ARFGAP3: variants seen among roughly 807,000 people sequenced by gnomAD.
The protein encoded by ARFGAP3 is ADP-ribosylation factor GTPase-activating protein 3.
In ARFGAP3, 72 loss-of-function variants were observed where a neutral mutation model predicts 75.0. That is an observed-to-expected ratio of 0.96 (90% CI 0.79 to 1.17). The LOEUF is 1.17. Among genes scored for constraint, ARFGAP3 ranks in the 50% most tolerant of loss-of-function variants. The pLI, the probability that ARFGAP3 is intolerant of heterozygous loss-of-function variation, is 0.00. For missense variants in ARFGAP3, 620 were observed against 626.6 expected, an observed-to-expected ratio of 0.99 and a Z score of 0.11; for synonymous variants, 221 against 217.9, an observed-to-expected ratio of 1.01 and a Z score of -0.13.
intron 2 of ARFGAP3, among the ~76,000 whole-genome samples, chr22:42,842,304 CT>C (rs58205841): frequency 0.018 from 2,201 of 120,274 alleles, 24 homozygotes; most frequent in African/African-American, 0.038. Flanking sequence ...CGTGCCTGGC[CT>C]TTTTTTTTTT....
chr22:42,839,728 C>G (rs548977395), intron 3 of ARFGAP3, among the ~76,000 whole-genome samples: 2 of 152,096 alleles, frequency 1.3e-5, no homozygotes, highest in Non-Finnish European at 2.9e-5. Flanking sequence ...CATAAAGAAG[C>G]CTCCAGTTTC....
rs747473607 is a variant in ARFGAP3, at chr22:42,844,589, GA to G, written c.188+2924del. On this transcript the variant is annotated intron_variant, in intron 2 of 15. Transcript: ENST00000263245. Reference sequence around the variant, plus strand: ...GATAGAGTGAGACTCTGTCTCAAAGGAAAAAAAAAAAAAAAAAATAAAAAAC... The same window carrying G: ...GATAGAGTGAGACTCTGTCTCAAAGGAAAAAAAAAAAAAAAAATAAAAAAC... Among the ~76,000 whole-genome samples, 165 of 58,588 alleles carry G rather than the reference GA, an allele frequency of 2.8e-3. 2 individuals carry two copies. Among genetic ancestry groups the G allele is most frequent in the South Asian group, 0.015 (26 of 1,764 alleles). The allele number at this position is 58,588 out of a possible 152,430, so 38.4% of individuals were successfully genotyped here.
In ARFGAP3 at chr22:42,817,841, A is replaced by C; in HGVS notation, c.829T>G (p.Leu277Val). The part of the protein sequence containing the change: ...KEESIVSSLR[L>V]AYKDLEIQMK... The stretch of plus-strand genomic sequence containing the variant: ...TGAATTTCAAGATCCTTATAGGCTA[A>C]TCGTAATGATGAAACACTGCCAGAA... The change falls in exon 10 of 16, where the codon TTA becomes GTA. Residue 277 changes from leucine (L) to valine (V), a missense_variant. By Grantham distance (32) the Leu-to-Val change is conservative (BLOSUM62 1). Transcript: ENST00000263245. 2 of 1,607,566 alleles carry C rather than the reference A, an allele frequency of 1.2e-6. No individual in the cohort carries two copies. The highest frequency in any genetic ancestry group is 1.7e-6 in the Non-Finnish European group (2 of 1,177,140).
Position 42,812,595 on chromosome 22 carries a change from A to G in ARFGAP3, c.1065-1651T>C, listed in dbSNP as rs12170628. ...ACCCATAAGAGCAAAGAGGCCAGGG[A>G]CCTCGGTGAGCTAAGATCTGGGTGG... On this transcript the variant is annotated intron_variant, in intron 11 of 15. Coordinates refer to ENST00000263245, the MANE Select transcript of ARFGAP3 (RefSeq NM_014570.5). 2.1e-3 allele frequency among the ~76,000 whole-genome samples: 319 copies of G among 152,314 alleles called. 1 individual carries two copies. The highest frequency in any genetic ancestry group is 7.4e-3 in the African/African-American group (307 of 41,576).
Position 42,803,452 on chromosome 22 carries a change from C to A in ARFGAP3, c.1411+3621G>T, listed in dbSNP as rs553503617. 1.1e-4 allele frequency among the ~76,000 whole-genome samples: 16 copies of A among 152,352 alleles called. No homozygotes were observed. In the East Asian group the frequency reaches 2.9e-3, roughly 28 times the overall value. On this transcript the variant is annotated intron_variant, in intron 14 of 15. Coordinates refer to ENST00000263245, the MANE Select transcript of ARFGAP3 (RefSeq NM_014570.5). Reference sequence around the variant, plus strand: ...GGGTGCAGGTGTCTGCACTCCCATGCAGACGTGCTCTCATTCAAACAATCA... The same window carrying A: ...GGGTGCAGGTGTCTGCACTCCCATGAAGACGTGCTCTCATTCAAACAATCA...
At chr22:42,844,558 C>T (rs1161905445) in intron 2 of ARFGAP3, among the ~76,000 whole-genome samples, 2 of 146,372 alleles carry the variant, frequency 1.4e-5, no homozygotes, top group South Asian at 2.1e-4. Context: ...GCACTCCAGC[C>T]GAGGGGATAG....
In ARFGAP3 at chr22:42,831,544, T is replaced by C; in HGVS notation, c.565+5A>G. On this transcript the variant is annotated splice_donor_5th_base_variant and intron_variant, in intron 6 of 15. Transcript: ENST00000263245. Reference sequence around the variant, plus strand: ...AGTATTACATGACAGTTCTAAGGACTCCACCTTCATTATTTTCCAAAGTGG... The same window carrying C: ...AGTATTACATGACAGTTCTAAGGACCCCACCTTCATTATTTTCCAAAGTGG... The C allele has an allele frequency of 6.2e-7, 1 of 1,613,220 alleles. No homozygotes were observed. The highest frequency in any genetic ancestry group is 8.5e-7 in the Non-Finnish European group (1 of 1,179,434).
intron 5 of ARFGAP3, among the ~76,000 whole-genome samples, chr22:42,833,131 A>G (rs9607959): frequency 0.038 from 5,858 of 152,314 alleles, 159 homozygotes; most frequent in African/African-American, 0.074. Context: ...TGTTGCTATC[A>G]GGTCACAAAG....
intron 2 of ARFGAP3, among the ~76,000 whole-genome samples, chr22:42,844,566 T>C (rs1465087178): frequency 1.4e-5 from 2 of 138,066 alleles, no homozygotes; most frequent in African/African-American, 5.7e-5. Context: ...GCCGAGGGGA[T>C]AGAGTGAGAC....
intron 14 of ARFGAP3, among the ~76,000 whole-genome samples, chr22:42,806,548 A>G (rs1174072010): frequency 1.3e-5 from 2 of 152,212 alleles, no homozygotes; most frequent in Non-Finnish European, 2.9e-5. Context: ...TTAGAGCCAC[A>G]TGTTTCTATC....
intron 3 of ARFGAP3, 126 bp from the exon 4 acceptor site, chr22:42,835,619 G>A (rs2146566439): frequency 2.0e-6 from 2 of 1,021,614 alleles, no homozygotes; most frequent in African/African-American, 3.3e-5. Context: ...CGGGAGATCA[G>A]TACCATCCTG....
rs56873162 is a variant in ARFGAP3 at position 42,838,277 on chromosome 22, T to C, written c.261+2667A>G. On this transcript the variant is annotated intron_variant, in intron 3 of 15. Transcript: ENST00000263245. Reference sequence around the variant, plus strand: ...ATTGATATATATATACACACACACATATATATATATATATTTTTTTTTTCT... The same window carrying C: ...ATTGATATATATATACACACACACACATATATATATATATTTTTTTTTTCT... Among the ~76,000 whole-genome samples the C allele has an allele frequency of 1.8e-3, 220 of 119,512 alleles. 3 individuals are homozygous for C. Among genetic ancestry groups the C allele is most frequent in the African/African-American group, 9.1e-3 (207 of 22,650 alleles). 78.4% of individuals were successfully genotyped at this position (119,512 alleles called of 152,430 possible).
intron 11 of ARFGAP3, among the ~76,000 whole-genome samples, chr22:42,816,180 A>C (rs887084443): frequency 3.3e-5 from 5 of 152,196 alleles, no homozygotes; most frequent in Admixed American, 6.5e-5. Flanking sequence ...TTTCTATATT[A>C]TCATATAGCA....
intron 12 of ARFGAP3, 157 bp from the exon 13 acceptor site, chr22:42,809,047 GAATA>G: frequency 1.8e-6 from 1 of 571,214 alleles, no homozygotes; most frequent in South Asian, 7.7e-5. Context: ...AAAAAAAAAA[GAATA>G]AATACCCAAA....
intron 11 of ARFGAP3, among the ~76,000 whole-genome samples, chr22:42,813,457 G>A (rs917263445): frequency 6.6e-6 from 1 of 152,142 alleles, no homozygotes; most frequent in Non-Finnish European, 1.5e-5. Context: ...ACTAAATTTT[G>A]TAGATTTAGC....
In ARFGAP3 at chr22:42,847,572, G is replaced by A; in HGVS notation, c.130C>T (p.Leu44Phe). 6.2e-7 allele frequency: 1 copy of A among 1,613,720 alleles called. No homozygotes were observed. The highest frequency in any genetic ancestry group is 1.1e-5 in the South Asian group (1 of 91,018). The part of the protein sequence containing the change: ...SWASITYGVF[L>F]CIDCSGSHRS... Reference sequence around the variant, plus strand: ...TGGGACCCTGAGCAATCAATGCAAAGGAACACTCCATAGGTTATGCTTGCC... The same window carrying A: ...TGGGACCCTGAGCAATCAATGCAAAAGAACACTCCATAGGTTATGCTTGCC... Residue 44 changes from leucine to phenylalanine, a missense_variant, in exon 2 of 16, where the codon CTT becomes TTT. Transcript: ENST00000263245.
Position 42,857,170 on chromosome 22 carries a change from TG to T in ARFGAP3, c.12del (p.Ser5AlafsTer6). 2 of 1,516,220 alleles carry T rather than the reference TG, an allele frequency of 1.3e-6. No individual in the cohort carries two copies. The highest frequency in any genetic ancestry group is 1.8e-6 in the Non-Finnish European group (2 of 1,129,766). 93.9% of individuals were successfully genotyped at this position (1,516,220 alleles called of 1,614,324 possible). MGD[P>X]SKQDILTIFK... ...AAGATGGTCAAGATGTCCTGCTTGCTGGGGTCCCCCATCGTCAGCTGTGAGC... is the reference window on the plus strand; with the variant it reads ...AAGATGGTCAAGATGTCCTGCTTGCTGGGTCCCCCATCGTCAGCTGTGAGC... On this transcript the variant is annotated frameshift_variant, in exon 1 of 16. Coordinates refer to ENST00000263245, the MANE Select transcript of ARFGAP3 (RefSeq NM_014570.5). LOFTEE classifies it high-confidence loss of function.
intron 11 of ARFGAP3, among the ~76,000 whole-genome samples, chr22:42,812,831 G>C (rs1925426434): frequency 6.6e-6 from 1 of 152,238 alleles, no homozygotes; most frequent in African/African-American, 2.4e-5. Context: ...CCTTAGGAAG[G>C]AAAACGTGGT....
At chr22:42,820,652 T>C (rs1925771552) in intron 9 of ARFGAP3, among the ~76,000 whole-genome samples, 1 of 152,100 alleles carries the variant, frequency 6.6e-6, no homozygotes, top group Admixed American at 6.6e-5. Context: ...AAAATACACA[T>C]GAAAGTAAGA....
Sources: allele counts gnomAD v4.1 joint callset (sites outside exome capture counted in the v4.1 genomes callset), GRCh38; gene constraint gnomAD v4.1.1; transcripts MANE v1.5; gene names NCBI Gene and HGNC (gene_info 2026-07-23, HGNC 2026-07-21).